Variants in CDC20B observed in about 807,000 individuals in gnomAD.
CDC20B encodes the protein cell division cycle protein 20 homolog B.
CDC20B carries 58 observed loss-of-function variants against 64.1 expected under a neutral mutation model. That is an observed-to-expected ratio of 0.90 (90% CI 0.73 to 1.13). The LOEUF is 1.13. Among genes scored for constraint, CDC20B ranks in the 50% most tolerant of loss-of-function variants. The pLI is 0.00. For missense variants in CDC20B, 597 were observed against 633.0 expected (o/e 0.94, Z 0.61); for synonymous variants, 243 against 230.6 (o/e 1.05, Z -0.49).
intron 1 of CDC20B, 124 bp from the exon 2 acceptor site, chr5:55,172,774 T>G (rs1230235123): frequency 3.7e-6 from 2 of 533,514 alleles, no homozygotes; most frequent in East Asian, 6.6e-5. Flanking sequence ...TTTTTTTTTT[T>G]TGGCAACTAG....
chr5:55,143,728 C>A, intron 3 of CDC20B, 85 bp from the exon 4 acceptor site: 1 of 1,337,050 alleles, frequency 7.5e-7, no homozygotes, highest in Non-Finnish European at 1.0e-6. Context: ...GCATCTTTCA[C>A]AGAAGGACAG....
intron 2 of CDC20B, among the ~76,000 whole-genome samples, chr5:55,147,620 T>A (rs1743533619): frequency 6.6e-6 from 1 of 151,242 alleles, no homozygotes; most frequent in South Asian, 2.1e-4. Flanking sequence ...ATTTTATATG[T>A]AAAATAGATA....
Position 55,140,407 on chromosome 5 carries a change from T to G in CDC20B, c.487A>C (p.Lys163Gln). 7 of 1,607,166 alleles carry G rather than the reference T, an allele frequency of 4.4e-6. No individual in the cohort carries two copies. Among genetic ancestry groups the G allele is most frequent in the Non-Finnish European group, 6.0e-6 (7 of 1,175,152 alleles). The change falls in exon 5 of 12, where the codon AAA (lysine) becomes CAA (glutamine). Residue 163 changes from lysine (K) to glutamine (Q), a missense_variant and splice_region_variant. Physicochemically the swap from Lys to Gln is moderately conservative, Grantham distance 53 (BLOSUM62 1). Coordinates refer to ENST00000381375, the MANE Select transcript of CDC20B (RefSeq NM_001170402.1). Reference sequence around the variant, plus strand: ...GTTACAAAGAGTTGTTTTAGGCATTTCTGAAAATAAACACACATAAGGAGA... The same window carrying G: ...GTTACAAAGAGTTGTTTTAGGCATTGCTGAAAATAAACACACATAAGGAGA... ...WKESVASKGQ[K>Q]CLKQLFVTQN...
chr5:55,116,151 G>GA, intron 11 of CDC20B, among the ~76,000 whole-genome samples: 1 of 152,142 alleles, frequency 6.6e-6, no homozygotes, highest in Non-Finnish European at 1.5e-5. Context: ...CCTGATGAAA[G>GA]AATCTCTTTT....
chr5:55,160,889 A>T, intron 2 of CDC20B: 1 of 1,164,764 alleles, frequency 8.6e-7, no homozygotes. Flanking sequence ...AACATCAATC[A>T]GAGGTTATAG....
At chr5:55,155,181 T>C (rs1743775486) in intron 2 of CDC20B, among the ~76,000 whole-genome samples, 1 of 152,126 alleles carries the variant, frequency 6.6e-6, no homozygotes, top group African/African-American at 2.4e-5. Flanking sequence ...AGAGTTCACA[T>C]CATAGTGACA....
chr5:55,141,518 A>G (rs1410535427), intron 4 of CDC20B, among the ~76,000 whole-genome samples: 2 of 152,136 alleles, frequency 1.3e-5, no homozygotes, highest in Admixed American at 6.5e-5. Flanking sequence ...CATGGCTATG[A>G]TGACAAGTGG....
At chr5:55,156,537 T>C (rs1464940059) in intron 2 of CDC20B, among the ~76,000 whole-genome samples, 1 of 152,162 alleles carries the variant, frequency 6.6e-6, no homozygotes, top group African/African-American at 2.4e-5. Flanking sequence ...AAGAAGGTAA[T>C]GTGTCTACTA....
intron 2 of CDC20B, among the ~76,000 whole-genome samples, chr5:55,148,277 G>A (rs577675901): frequency 1.2e-3 from 189 of 152,312 alleles, no homozygotes; most frequent in African/African-American, 4.3e-3. Context: ...CCCTGGTGTT[G>A]AAGGTGCCAA....
intron 2 of CDC20B, among the ~76,000 whole-genome samples, chr5:55,168,550 C>A (rs1425272119): frequency 6.6e-6 from 1 of 152,088 alleles, no homozygotes; most frequent in African/African-American, 2.4e-5. Flanking sequence ...ATTTCTTTAA[C>A]ATATTTTTAT....
intron 11 of CDC20B, among the ~76,000 whole-genome samples, chr5:55,119,066 A>G (rs1476457726): frequency 6.6e-6 from 1 of 152,214 alleles, no homozygotes; most frequent in Non-Finnish European, 1.5e-5. Context: ...CAATAAGTAA[A>G]CCTCAGGGAT....
At chr5:55,155,134 G>A (rs528113253) in intron 2 of CDC20B, among the ~76,000 whole-genome samples, 3 of 152,214 alleles carry the variant, frequency 2.0e-5, no homozygotes, top group African/African-American at 7.2e-5. Flanking sequence ...TGAATGACTC[G>A]GTACTCCAAG....
intron 6 of CDC20B, 107 bp from the exon 7 acceptor site, chr5:55,128,724 T>TATTA: frequency 1.3e-6 from 1 of 770,350 alleles, no homozygotes; most frequent in Non-Finnish European, 1.9e-6. Context: ...ATCCCCATGG[T>TATTA]TAGCTGGAAA....
intron 2 of CDC20B, among the ~76,000 whole-genome samples, chr5:55,159,590 A>G (rs965608962): frequency 1.3e-5 from 2 of 152,164 alleles, no homozygotes; most frequent in African/African-American, 4.8e-5. Context: ...TTTTTAACAT[A>G]TTTATTTTGA....
intron 2 of CDC20B, among the ~76,000 whole-genome samples, chr5:55,155,222 C>A (rs1173388060): frequency 6.6e-6 from 1 of 151,834 alleles, no homozygotes; most frequent in Non-Finnish European, 1.5e-5. Context: ...AGCACCAGTG[C>A]CAAAAATAAT....
chr5:55,127,994 CAGAT>C (rs1391247810), intron 7 of CDC20B, among the ~76,000 whole-genome samples: 2 of 151,954 alleles, frequency 1.3e-5, no homozygotes, highest in African/African-American at 4.8e-5. Flanking sequence ...CATGAGAAAT[CAGAT>C]AGATTGATGG....
chr5:55,138,121 C>T (rs1047487435), intron 5 of CDC20B, among the ~76,000 whole-genome samples: 3 of 149,838 alleles, frequency 2.0e-5, no homozygotes, highest in Non-Finnish European at 3.0e-5. Context: ...TCAATAGCGC[C>T]AGGCACCATG....
chr5:55,164,089 G>C, intron 2 of CDC20B: 1 of 1,596,890 alleles, frequency 6.3e-7, no homozygotes. Context: ...GGAATTTTTG[G>C]AAGTATCTTG....
intron 4 of CDC20B, among the ~76,000 whole-genome samples, chr5:55,140,636 C>T (rs1021597799): frequency 7.2e-5 from 11 of 152,184 alleles, no homozygotes; most frequent in African/African-American, 2.7e-4. Flanking sequence ...AGTTCAACAA[C>T]TCCATAGAGC....
Sources: gnomAD v4.1 joint callset for allele counts (sites outside exome capture counted in the v4.1 genomes callset) on GRCh38, gnomAD v4.1.1 for gene constraint, MANE v1.5 for transcripts, NCBI Gene and HGNC (gene_info 2026-07-23, HGNC 2026-07-21) for gene names.